TAFA1: variants seen among roughly 807,000 people sequenced by gnomAD.
TAFA1 encodes the protein chemokine-like protein TAFA-1.
A neutral mutation model predicts 18.5 loss-of-function variants in TAFA1; 4 were observed. The observed-to-expected ratio is 0.22, with a 90% CI of 0.11 to 0.49. The LOEUF is 0.49. Ranked by LOEUF, TAFA1 falls within the 20% of genes least tolerant of loss-of-function variation. The pLI is 0.98. For missense variants in TAFA1, 147 were observed against 169.0 expected, an observed-to-expected ratio of 0.87 and a Z score of 0.72; for synonymous variants, 56 against 55.2, an observed-to-expected ratio of 1.01 and a Z score of -0.06.
intron 3 of TAFA1, among the ~76,000 whole-genome samples, chr3:68,456,236 C>G (rs954634079): frequency 6.6e-6 from 1 of 152,108 alleles, no homozygotes; most frequent in Middle Eastern, 3.2e-3. Context: ...GGGTTAGCAA[C>G]TTTATATATA....
chr3:68,382,982 T>G (rs1216946319), intron 2 of TAFA1, among the ~76,000 whole-genome samples: 1 of 152,094 alleles, frequency 6.6e-6, no homozygotes, highest in East Asian at 1.9e-4. Flanking sequence ...TGTGATTGTG[T>G]TCCTGGTTTG....
chr3:68,267,784 GTTC>G (rs1485636502), intron 2 of TAFA1, among the ~76,000 whole-genome samples: 7 of 151,814 alleles, frequency 4.6e-5, no homozygotes, highest in South Asian at 2.1e-4. Context: ...TAACTTTTCA[GTTC>G]TTCTTTTTCT....
chr3:68,112,423 T>C (rs1216780182), intron 2 of TAFA1, among the ~76,000 whole-genome samples: 1 of 152,198 alleles, frequency 6.6e-6, no homozygotes, highest in Non-Finnish European at 1.5e-5. Flanking sequence ...GAAAAAGTGT[T>C]TGATAAAATT....
At chr3:68,028,303 AAAC>A (rs1217742736) in intron 2 of TAFA1, among the ~76,000 whole-genome samples, 1 of 150,972 alleles carries the variant, frequency 6.6e-6, no homozygotes, top group Non-Finnish European at 1.5e-5. Flanking sequence ...CTGTCTCAAA[AAAC>A]AAACAAAACA....
At chr3:68,312,824 T>G (rs1471826069) in intron 2 of TAFA1, among the ~76,000 whole-genome samples, 2 of 152,210 alleles carry the variant, frequency 1.3e-5, no homozygotes, top group Non-Finnish European at 2.9e-5. Context: ...AACAATTTAT[T>G]GTATTAGTCC....
intron 2 of TAFA1, among the ~76,000 whole-genome samples, chr3:68,161,212 A>G (rs1001321022): frequency 1.3e-5 from 2 of 152,240 alleles, no homozygotes; most frequent in Admixed American, 1.3e-4. Flanking sequence ...GATATGCTGG[A>G]CCAAAAAAAT....
At chr3:68,438,082 T>A (rs911373214) in intron 3 of TAFA1, among the ~76,000 whole-genome samples, 2 of 152,124 alleles carry the variant, frequency 1.3e-5, no homozygotes, top group Admixed American at 6.5e-5. Context: ...AGATTAGCCA[T>A]GTGCAGTGGC....
At chr3:68,381,484 A>C (rs996773256) in intron 2 of TAFA1, among the ~76,000 whole-genome samples, 3 of 152,150 alleles carry the variant, frequency 2.0e-5, no homozygotes, top group Admixed American at 1.3e-4. Context: ...GAGGTCCTTC[A>C]CATCCCTTGT....
At chr3:68,036,290 T>A (rs188175644) in intron 2 of TAFA1, among the ~76,000 whole-genome samples, 2 of 151,846 alleles carry the variant, frequency 1.3e-5, no homozygotes, top group African/African-American at 4.8e-5. Context: ...AATACAAAAA[T>A]TAGCCATGCA....
At chr3:68,341,336 C>T (rs765070726) in intron 2 of TAFA1, among the ~76,000 whole-genome samples, 52 of 151,864 alleles carry the variant, frequency 3.4e-4, no homozygotes, top group Non-Finnish European at 8.8e-5. Flanking sequence ...TAGGTGGGAT[C>T]GCAGAACTGG....
At chr3:68,067,019 G>A (rs2064687301) in intron 2 of TAFA1, among the ~76,000 whole-genome samples, 1 of 152,136 alleles carries the variant, frequency 6.6e-6, no homozygotes, top group African/African-American at 2.4e-5. Context: ...CCAGCTCCAT[G>A]TAGAATAACT....
At chr3:68,185,638 A>G (rs2106998159) in intron 2 of TAFA1, among the ~76,000 whole-genome samples, 1 of 152,144 alleles carries the variant, frequency 6.6e-6, no homozygotes, top group Non-Finnish European at 1.5e-5. Flanking sequence ...TTACAGGTGC[A>G]GTGGCTCACA....
chr3:68,397,869 A>G (rs1023145160), intron 2 of TAFA1, among the ~76,000 whole-genome samples: 2 of 152,188 alleles, frequency 1.3e-5, no homozygotes, highest in Non-Finnish European at 2.9e-5. Flanking sequence ...GAAGCTCTTC[A>G]GTTTAATTAG....
At chr3:68,307,063 T>G (rs557938308) in intron 2 of TAFA1, among the ~76,000 whole-genome samples, 56 of 152,314 alleles carry the variant, frequency 3.7e-4, no homozygotes, top group Middle Eastern at 6.8e-3. Context: ...TGTTTTTTCA[T>G]CAATAAGGTG....
chr3:68,533,348 A>C (rs2073219037), intron 3 of TAFA1, among the ~76,000 whole-genome samples: 1 of 152,280 alleles, frequency 6.6e-6, no homozygotes, highest in Non-Finnish European at 1.5e-5. Context: ...TAAAACCATG[A>C]GATCTCATGA....
intron 3 of TAFA1, among the ~76,000 whole-genome samples, chr3:68,481,761 A>G (rs2072241183): frequency 6.6e-6 from 1 of 152,192 alleles, no homozygotes; most frequent in African/African-American, 2.4e-5. Flanking sequence ...TTGATCAATA[A>G]TTTAGAGATT....
intron 2 of TAFA1, among the ~76,000 whole-genome samples, chr3:68,325,108 CA>C (rs1290555324): frequency 6.6e-6 from 1 of 152,154 alleles, no homozygotes; most frequent in East Asian, 1.9e-4. Flanking sequence ...AATTTATTCA[CA>C]AAAATCACAG....
chr3:68,080,178 C>T (rs1387515378), intron 2 of TAFA1, among the ~76,000 whole-genome samples: 1 of 152,144 alleles, frequency 6.6e-6, no homozygotes, highest in African/African-American at 2.4e-5. Flanking sequence ...AGATCTTCCT[C>T]CATCCTTTTA....
In TAFA1 at chr3:68,289,256, G is replaced by C. The variant is rs138351700; in HGVS notation, c.119-128024G>C. The stretch of plus-strand genomic sequence containing the variant: ...GTATTAACAAAAGCCCACTATATAG[G>C]TTGCACTTTCACTCTTCTAATGGTG... On this transcript the variant is annotated intron_variant, in intron 2 of 4. Coordinates refer to ENST00000478136, the MANE Select transcript of TAFA1 (RefSeq NM_213609.4). Among the ~76,000 whole-genome samples, 335 of 152,210 alleles carry C rather than the reference G, an allele frequency of 2.2e-3. 6 individuals are homozygous for C. The East Asian group carries it at 0.034, about 15-fold the overall frequency.
Sources: gnomAD v4.1 joint callset for allele counts (sites outside exome capture counted in the v4.1 genomes callset) on GRCh38, gnomAD v4.1.1 for gene constraint, MANE v1.5 for transcripts, NCBI Gene and HGNC (gene_info 2026-07-23, HGNC 2026-07-21) for gene names.